Variants in INVS observed in about 807,000 individuals in gnomAD.
The protein encoded by INVS is inversion of embryo turning homolog.
A neutral mutation model predicts 108.8 loss-of-function variants in INVS; 86 were observed. The observed-to-expected ratio is 0.79, with a 90% CI of 0.66 to 0.95. INVS has a LOEUF of 0.95. Among genes scored for constraint, INVS ranks in the 40% least tolerant of loss-of-function variants. INVS has a pLI of 0.00. For synonymous variants in INVS, 455 were observed against 473.5 expected (o/e 0.96, Z 0.51); for missense variants, 1,169 against 1,297.4 (o/e 0.90, Z 1.52).
In INVS at chr9:100,293,900, C is replaced by T. The variant is rs1303354221; in HGVS notation, c.2786+857C>T. 2.0e-5 allele frequency among the ~76,000 whole-genome samples: 3 copies of T among 152,202 alleles called. No individual in the cohort carries two copies. In the East Asian group the frequency reaches 5.8e-4, roughly 29 times the overall value. ...GGAGTTGGCCGGGCAGAGTGGCTTACACCTGTAACCCCAGCACTTTGGGAG... is the reference window on the plus strand; with the variant it reads ...GGAGTTGGCCGGGCAGAGTGGCTTATACCTGTAACCCCAGCACTTTGGGAG... On this transcript the variant is annotated intron_variant, in intron 14 of 16. Coordinates refer to ENST00000262457, the MANE Select transcript of INVS (RefSeq NM_014425.5).
intron 10 of INVS, among the ~76,000 whole-genome samples, chr9:100,263,408 A>G (rs1285590296): frequency 6.6e-6 from 1 of 151,960 alleles, no homozygotes; most frequent in Non-Finnish European, 1.5e-5. Flanking sequence ...CCATTTTTTT[A>G]ATTTTTTAGT....
intron 12 of INVS, among the ~76,000 whole-genome samples, chr9:100,282,691 T>C (rs1833317806): frequency 6.6e-6 from 1 of 152,222 alleles, no homozygotes; most frequent in Non-Finnish European, 1.5e-5. Flanking sequence ...TCCTTAGCTC[T>C]GCAATTTGTC....
chr9:100,151,630 G>C (rs1828810793), intron 3 of INVS, among the ~76,000 whole-genome samples: 1 of 152,150 alleles, frequency 6.6e-6, no homozygotes, highest in African/African-American at 2.4e-5. Context: ...GAGATGAGGA[G>C]GGTTTGAGGA....
chr9:100,172,361 A>G (rs1475481277), intron 3 of INVS, among the ~76,000 whole-genome samples: 2 of 152,222 alleles, frequency 1.3e-5, no homozygotes, highest in African/African-American at 4.8e-5. Flanking sequence ...CCTTCAAGGA[A>G]TGAAACAATG....
chr9:100,192,060 C>T (rs1234811112), intron 3 of INVS, among the ~76,000 whole-genome samples: 2 of 152,092 alleles, frequency 1.3e-5, no homozygotes, highest in South Asian at 4.1e-4. Flanking sequence ...TTCCATCTGG[C>T]TCACAGGGTA....
chr9:100,175,776 A>G, intron 3 of INVS: 1 of 637,560 alleles, frequency 1.6e-6, no homozygotes, highest in East Asian at 3.9e-5. Context: ...GACCTGGAAC[A>G]TCCAGTCCTA....
chr9:100,186,832 A>AT (rs1340433832), intron 3 of INVS, among the ~76,000 whole-genome samples: 1 of 151,746 alleles, frequency 6.6e-6, no homozygotes, highest in African/African-American at 2.4e-5. Context: ...TCTGAAAATT[A>AT]TTTTTTTCAC....
chr9:100,194,734 A>G (rs1830323006), intron 3 of INVS, among the ~76,000 whole-genome samples: 1 of 152,198 alleles, frequency 6.6e-6, no homozygotes, highest in Non-Finnish European at 1.5e-5. Flanking sequence ...GAGCTAAAGA[A>G]TACAGGAATA....
At chr9:100,222,658 C>G (rs1027911976) in intron 3 of INVS, among the ~76,000 whole-genome samples, 3 of 152,130 alleles carry the variant, frequency 2.0e-5, no homozygotes, top group African/African-American at 7.2e-5. Context: ...TCCTTCTTCT[C>G]CTTCCCTTTT....
chr9:100,257,934 C>T (rs532059814), intron 10 of INVS, among the ~76,000 whole-genome samples: 7 of 152,264 alleles, frequency 4.6e-5, no homozygotes, highest in Non-Finnish European at 8.8e-5. Flanking sequence ...CTCTGTATTT[C>T]CTGAATTTGA....
At chr9:100,119,942 A>G (rs903528994) in intron 2 of INVS, among the ~76,000 whole-genome samples, 1 of 152,226 alleles carries the variant, frequency 6.6e-6, no homozygotes. Context: ...AAAATTGAAA[A>G]AATAGCATGT....
At chr9:100,299,712 A>G (rs1833908559) in intron 16 of INVS, among the ~76,000 whole-genome samples, 1 of 151,694 alleles carries the variant, frequency 6.6e-6, no homozygotes, top group African/African-American at 2.4e-5. Context: ...ATAAAAGAAA[A>G]GAACTCCCTT....
At chr9:100,282,547 A>C (rs1488269888) in intron 12 of INVS, among the ~76,000 whole-genome samples, 1 of 152,224 alleles carries the variant, frequency 6.6e-6, no homozygotes, top group Non-Finnish European at 1.5e-5. Flanking sequence ...ACCCAGATGT[A>C]TGTCAGCTGG....
chr9:100,166,996 C>A (rs1829383662), intron 3 of INVS, among the ~76,000 whole-genome samples: 1 of 152,116 alleles, frequency 6.6e-6, no homozygotes, highest in Non-Finnish European at 1.5e-5. Context: ...TTTGGGAAAC[C>A]AAGGCAGGCA....
At chr9:100,153,006 TGTGTG>T (rs1242626780) in intron 3 of INVS, among the ~76,000 whole-genome samples, 1 of 50,006 alleles carries the variant, frequency 2.0e-5, no homozygotes, top group Non-Finnish European at 4.3e-5. Context: ...GTTAACTAAT[TGTGTG>T]TGTGTGTGTG....
intron 5 of INVS, among the ~76,000 whole-genome samples, chr9:100,237,751 C>G (rs374358551): frequency 6.6e-6 from 1 of 152,250 alleles, no homozygotes; most frequent in East Asian, 1.9e-4. Context: ...AATCACTCAC[C>G]TTCTGCATTG....
At position 100,252,995 on chromosome 9, in the gene INVS, A is replaced by G. The variant is rs767989589; in HGVS notation, c.1323A>G (p.Ile441Met). ...GAGGAAATGCTGATGTTTGCCAGAT[A>G]TTAATAGAAAATAAGATCAATCCAA... The part of the protein sequence containing the change: ...ALGGNADVCQ[I>M]LIENKINPNV... Residue 441 changes from isoleucine to methionine, a missense_variant, in exon 10 of 17, where the codon ATA becomes ATG. This residue lies in a region of INVS where 271 missense variants were observed against 363.8 expected (regional missense o/e 0.74). Transcript: ENST00000262457. 1.1e-5 allele frequency: 18 copies of G among 1,613,910 alleles called. No individual in the cohort carries two copies. Among genetic ancestry groups the G allele is most frequent in the Non-Finnish European group, 1.4e-5 (16 of 1,179,904 alleles).
At chr9:100,189,478 T>G (rs1028664315) in intron 3 of INVS, among the ~76,000 whole-genome samples, 6 of 152,210 alleles carry the variant, frequency 3.9e-5, no homozygotes, top group African/African-American at 1.4e-4. Context: ...CCATCTTGAT[T>G]TCATTGTTAA....
chr9:100,218,385 A>G (rs1831052690), intron 3 of INVS, among the ~76,000 whole-genome samples: 1 of 152,194 alleles, frequency 6.6e-6, no homozygotes, highest in Non-Finnish European at 1.5e-5. Context: ...GAGAAGGGCC[A>G]CCGTAGGCAG....
Sources: gnomAD v4.1 joint callset for allele counts (sites outside exome capture counted in the v4.1 genomes callset) on GRCh38, gnomAD v4.1.1 for gene constraint, gnomAD v4.1.1 regional missense constraint, MANE v1.5 for transcripts, NCBI Gene and HGNC (gene_info 2026-07-23, HGNC 2026-07-21) for gene names.